Variants in ESR1 observed in about 807,000 individuals in gnomAD.
ESR1 encodes estrogen receptor 1.
Under a neutral mutation model 52.7 loss-of-function variants are expected in ESR1, and 12 were observed. That is an observed-to-expected ratio of 0.23 (90% CI 0.15 to 0.37). The LOEUF is 0.37. ESR1 is among the 10% of genes least tolerant of loss of function. ESR1 has a pLI of 1.00. For missense variants in ESR1, 584 were observed against 779.7 expected (o/e 0.75, Z 2.99); for synonymous variants, 305 against 316.8 (o/e 0.96, Z 0.39).
chr6:151,827,102 T>A (rs892375773), intron 1 of ESR1, among the ~76,000 whole-genome samples: 1 of 151,576 alleles, frequency 6.6e-6, no homozygotes, highest in East Asian at 1.9e-4. Context: ...GGCAGATGGG[T>A]CACCTGAGCC....
chr6:151,855,768 G>A (rs972103121), intron 2 of ESR1, among the ~76,000 whole-genome samples: 1 of 152,104 alleles, frequency 6.6e-6, no homozygotes, highest in African/African-American at 2.4e-5. Flanking sequence ...AGAAAAAAAT[G>A]GTATGAGTTC....
chr6:152,007,824 G>T (rs2042449098), intron 4 of ESR1, among the ~76,000 whole-genome samples: 1 of 152,068 alleles, frequency 6.6e-6, no homozygotes, highest in Non-Finnish European at 1.5e-5. Flanking sequence ...CTCTCCTTAT[G>T]TCCCGTAGCA....
intron 5 of ESR1, among the ~76,000 whole-genome samples, chr6:152,032,303 G>A (rs1241595198): frequency 6.6e-6 from 1 of 152,128 alleles, no homozygotes; most frequent in Non-Finnish European, 1.5e-5. Context: ...CAATCAGGCA[G>A]GAGAAGGAAA....
At chr6:151,691,936 A>G (rs1157293483) in intron 1 of ESR1, among the ~76,000 whole-genome samples, 1 of 152,234 alleles carries the variant, frequency 6.6e-6, no homozygotes, top group African/African-American at 2.4e-5. Flanking sequence ...GCAGTTGGAT[A>G]AAATACTCTA....
chr6:152,051,846 A>T (rs1205342670), intron 5 of ESR1, among the ~76,000 whole-genome samples: 2 of 152,186 alleles, frequency 1.3e-5, no homozygotes, highest in African/African-American at 4.8e-5. Context: ...TTTAAAAATT[A>T]TCTTCTGCCC....
At chr6:152,075,509 C>A (rs541798250) in intron 6 of ESR1, among the ~76,000 whole-genome samples, 1 of 152,224 alleles carries the variant, frequency 6.6e-6, no homozygotes, top group Non-Finnish European at 1.5e-5. Context: ...AAACAATACA[C>A]CTAAAGAATA....
At chr6:151,923,538 C>G (rs1327871255) in intron 3 of ESR1, among the ~76,000 whole-genome samples, 1 of 152,178 alleles carries the variant, frequency 6.6e-6, no homozygotes, top group Non-Finnish European at 1.5e-5. Context: ...TAATATCTTT[C>G]TTTTGTCTCT....
chr6:152,021,896 A>C (rs1485000245), intron 5 of ESR1, among the ~76,000 whole-genome samples: 1 of 152,138 alleles, frequency 6.6e-6, no homozygotes, highest in African/African-American at 2.4e-5. Context: ...GCCATGCAAG[A>C]CATCCCTTTG....
intron 2 of ESR1, among the ~76,000 whole-genome samples, chr6:151,768,200 C>T (rs1215745708): frequency 6.6e-6 from 1 of 152,162 alleles, no homozygotes; most frequent in Non-Finnish European, 1.5e-5. Flanking sequence ...GCAGACACTA[C>T]CATATCCAAG....
At chr6:152,026,084 T>C (rs961783623) in intron 5 of ESR1, among the ~76,000 whole-genome samples, 1 of 152,226 alleles carries the variant, frequency 6.6e-6, no homozygotes, top group South Asian at 2.1e-4. Flanking sequence ...ATACTGCTTG[T>C]ATTACAATTA....
intron 4 of ESR1, among the ~76,000 whole-genome samples, chr6:151,967,675 T>A (rs1027282375): frequency 6.6e-6 from 1 of 152,210 alleles, no homozygotes; most frequent in African/African-American, 2.4e-5. Context: ...AGTAGAATGA[T>A]TTATAATCCT....
chr6:151,875,922 G>C (rs1639092296), intron 2 of ESR1, among the ~76,000 whole-genome samples: 2 of 152,092 alleles, frequency 1.3e-5, no homozygotes, highest in Admixed American at 6.6e-5. Context: ...ATTGAGGCAG[G>C]ATAGTGGCCT....
intron 2 of ESR1, among the ~76,000 whole-genome samples, chr6:151,775,694 C>A (rs1011182505): frequency 6.7e-6 from 1 of 150,138 alleles, no homozygotes; most frequent in African/African-American, 2.5e-5. Context: ...TGCAGTGAGC[C>A]GAGATCGCGC....
chr6:152,054,102 A>G (rs572459410), intron 5 of ESR1, among the ~76,000 whole-genome samples: 1 of 152,230 alleles, frequency 6.6e-6, no homozygotes, highest in South Asian at 2.1e-4. Flanking sequence ...TCAAATTGAT[A>G]TATTTAGCGC....
intron 2 of ESR1, among the ~76,000 whole-genome samples, chr6:151,877,117 T>C (rs191457922): frequency 6.6e-6 from 1 of 152,312 alleles, no homozygotes; most frequent in Admixed American, 6.5e-5. Context: ...TTTCTTCTTT[T>C]TTTTTTATTA....
chr6:152,025,223 A>T (rs1304480543), intron 5 of ESR1, among the ~76,000 whole-genome samples: 4 of 145,098 alleles, frequency 2.8e-5, no homozygotes, highest in South Asian at 2.2e-4. Context: ...TTTTTTTTTA[A>T]CCAGTGTTAA....
At chr6:151,704,203 A>C (rs1780009641) in intron 2 of ESR1, among the ~76,000 whole-genome samples, 1 of 152,170 alleles carries the variant, frequency 6.6e-6, no homozygotes. Flanking sequence ...TTTTTTTAAG[A>C]AACAACACTC....
intron 3 of ESR1, among the ~76,000 whole-genome samples, chr6:151,919,885 C>T (rs1020855144): frequency 4.6e-5 from 7 of 152,144 alleles, no homozygotes; most frequent in Non-Finnish European, 1.0e-4. Context: ...AACACACACA[C>T]ACAGGTATAT....
rs2050984346 is a variant in ESR1 at position 152,102,230 on chromosome 6, T to C, written c.*3264T>C. On this transcript the variant is annotated 3_prime_UTR_variant, in exon 8 of 8. Coordinates refer to ENST00000206249, the MANE Select transcript of ESR1 (RefSeq NM_000125.4). ...ATTTACTTTTGATCACATTAAGGTGTTCTCACCTTGAAATCTTATACACTG... is the reference window on the plus strand; with the variant it reads ...ATTTACTTTTGATCACATTAAGGTGCTCTCACCTTGAAATCTTATACACTG... 4.8e-6 allele frequency: 1 copy of C among 207,148 alleles called. No homozygotes were observed. Among genetic ancestry groups the C allele is most frequent in the Non-Finnish European group, 9.9e-6 (1 of 101,442 alleles). 12.8% of individuals were successfully genotyped at this position (207,148 alleles called of 1,614,324 possible).
Sources: allele counts gnomAD v4.1 joint callset (sites outside exome capture counted in the v4.1 genomes callset), GRCh38; gene constraint gnomAD v4.1.1; transcripts MANE v1.5; gene names NCBI Gene and HGNC (gene_info 2026-07-23, HGNC 2026-07-21).